EEFSEC: variants seen among roughly 807,000 people sequenced by gnomAD.
EEFSEC encodes selenocysteine-specific elongation factor.
Under a neutral mutation model 42.1 loss-of-function variants are expected in EEFSEC, and 43 were observed. That is an observed-to-expected ratio of 1.02 (90% CI 0.80 to 1.32). The LOEUF (loss-of-function observed/expected upper bound fraction) is 1.32, where lower values mean the gene tolerates loss of function less well. EEFSEC is among the 40% of genes most tolerant of loss of function. The probability of loss-of-function intolerance (pLI) is 0.00; values close to 1 mark genes in which losing one functional copy is unlikely to be tolerated. For synonymous variants in EEFSEC, 354 were observed against 339.1 expected (o/e 1.04, Z -0.48); for missense variants, 745 against 803.6 (o/e 0.93, Z 0.88).
chr3:128,281,542 G>T (rs1170246273), intron 4 of EEFSEC, among the ~76,000 whole-genome samples: 1 of 152,184 alleles, frequency 6.6e-6, no homozygotes, highest in Non-Finnish European at 1.5e-5. Context: ...CCTCTTGGAG[G>T]TTCTAGAATC....
At chr3:128,401,162 G>C (rs1322950395) in intron 6 of EEFSEC, among the ~76,000 whole-genome samples, 1 of 152,192 alleles carries the variant, frequency 6.6e-6, no homozygotes, top group Non-Finnish European at 1.5e-5. Flanking sequence ...GAGGGACCAG[G>C]GGGCCAGGTC....
chr3:128,200,366 G>A (rs915232796), intron 1 of EEFSEC, among the ~76,000 whole-genome samples: 11 of 151,954 alleles, frequency 7.2e-5, no homozygotes, highest in African/African-American at 2.2e-4. Context: ...TTGGCTCACC[G>A]CAACCTCCGC....
intron 4 of EEFSEC, among the ~76,000 whole-genome samples, chr3:128,295,574 C>T (rs1449854152): frequency 6.7e-6 from 1 of 148,314 alleles, no homozygotes; most frequent in Non-Finnish European, 1.5e-5. Context: ...AATTCCAGGG[C>T]CTTCCAACAA....
chr3:128,222,527 G>C, intron 1 of EEFSEC, among the ~76,000 whole-genome samples: 1 of 152,136 alleles, frequency 6.6e-6, no homozygotes, highest in East Asian at 1.9e-4. Context: ...TGAACCATGA[G>C]CCTTCTTCTA....
At chr3:128,166,716 G>C (rs554112873) in intron 1 of EEFSEC, among the ~76,000 whole-genome samples, 11 of 151,890 alleles carry the variant, frequency 7.2e-5, no homozygotes, top group Non-Finnish European at 1.3e-4. Context: ...CCCAAGGTGC[G>C]GCCCTTGAAC....
At chr3:128,166,278 T>C (rs945016987) in intron 1 of EEFSEC, among the ~76,000 whole-genome samples, 2 of 152,068 alleles carry the variant, frequency 1.3e-5, no homozygotes, top group African/African-American at 4.8e-5. Flanking sequence ...AAAAACAGTG[T>C]TTTAAAAAAT....
chr3:128,391,834 A>G (rs963015446), intron 6 of EEFSEC, among the ~76,000 whole-genome samples: 4 of 152,298 alleles, frequency 2.6e-5, no homozygotes, highest in Non-Finnish European at 5.9e-5. Context: ...TCTGAGGGCA[A>G]TCATGGGCAG....
chr3:128,247,478 A>G (rs994499173), intron 2 of EEFSEC, among the ~76,000 whole-genome samples: 1 of 152,178 alleles, frequency 6.6e-6, no homozygotes, highest in Non-Finnish European at 1.5e-5. Context: ...CTGCTTCTCT[A>G]CAACTCGATT....
chr3:128,264,945 C>G (rs1480786608), intron 4 of EEFSEC, among the ~76,000 whole-genome samples, 164 bp downstream of exon 4: 2 of 152,164 alleles, frequency 1.3e-5, no homozygotes, highest in Non-Finnish European at 2.9e-5. Context: ...CCGCCCGGCT[C>G]CAAGTCTTTC....
intron 4 of EEFSEC, among the ~76,000 whole-genome samples, chr3:128,275,119 G>A (rs2066454694): frequency 6.6e-6 from 1 of 152,164 alleles, no homozygotes; most frequent in Admixed American, 6.5e-5. Flanking sequence ...TCATCGAGGG[G>A]TCTAGCAGTG....
chr3:128,227,987 A>G lies in EEFSEC; in HGVS notation c.317-18849A>G, dbSNP rs142726997. 3.4e-3 allele frequency among the ~76,000 whole-genome samples: 523 copies of G among 152,282 alleles called. 2 individuals are homozygous for G. The highest frequency in any genetic ancestry group is 0.011 in the African/African-American group (475 of 41,542). On this transcript the variant is annotated intron_variant, in intron 1 of 6. Transcript: ENST00000254730. ...TTTCTCCCCTTTTTTCTGTTTCTAA[A>G]CAAGCATACATAACCTTTTTAAGTG...
chr3:128,337,485 G>A (rs1448838502), intron 4 of EEFSEC, among the ~76,000 whole-genome samples: 1 of 152,310 alleles, frequency 6.6e-6, no homozygotes, highest in East Asian at 1.9e-4. Flanking sequence ...GCCCCTGGCC[G>A]CCCTCTCTCA....
At chr3:128,281,046 A>G (rs1395749070) in intron 4 of EEFSEC, among the ~76,000 whole-genome samples, 2 of 152,180 alleles carry the variant, frequency 1.3e-5, no homozygotes, top group Admixed American at 1.3e-4. Context: ...GCTTCAGCCT[A>G]GGCAAACAGG....
chr3:128,251,290 C>T (rs548746427), intron 2 of EEFSEC, among the ~76,000 whole-genome samples: 1 of 152,288 alleles, frequency 6.6e-6, no homozygotes, highest in African/African-American at 2.4e-5. Context: ...CATCTCTGTA[C>T]ATCATTAAAC....
intron 1 of EEFSEC, among the ~76,000 whole-genome samples, chr3:128,197,761 G>A (rs924087669): frequency 6.6e-6 from 1 of 152,078 alleles, no homozygotes; most frequent in East Asian, 1.9e-4. Context: ...TGGATGCTGT[G>A]TTCTGCATCA....
the EEFSEC span, among the ~76,000 whole-genome samples, chr3:128,416,430 C>A: frequency 1.3e-5 from 2 of 152,244 alleles, no homozygotes; most frequent in Non-Finnish European, 2.9e-5. Context: ...CCCTCGCACA[C>A]CAGGCCCTGT....
chr3:128,176,613 C>T (rs931042186), intron 1 of EEFSEC, among the ~76,000 whole-genome samples: 3 of 152,000 alleles, frequency 2.0e-5, no homozygotes, highest in Non-Finnish European at 2.9e-5. Flanking sequence ...TGCATTAATA[C>T]TAAAGGAAAA....
chr3:128,228,269 C>G (rs965232229), intron 1 of EEFSEC, among the ~76,000 whole-genome samples: 2 of 152,148 alleles, frequency 1.3e-5, no homozygotes, highest in African/African-American at 4.8e-5. Context: ...CCTAGGGCAA[C>G]AGGGATTGTG....
intron 4 of EEFSEC, among the ~76,000 whole-genome samples, chr3:128,297,358 C>A (rs937343821): frequency 1.3e-5 from 2 of 152,130 alleles, no homozygotes; most frequent in African/African-American, 4.8e-5. Context: ...GTGCCCCTTT[C>A]TTTATTTGTG....
Sources: allele counts gnomAD v4.1 joint callset (sites outside exome capture counted in the v4.1 genomes callset), GRCh38; gene constraint gnomAD v4.1.1; transcripts MANE v1.5; gene names NCBI Gene and HGNC (gene_info 2026-07-23, HGNC 2026-07-21).